The following FTCD variants were observed in gnomAD, a reference collection of about 807,000 sequenced individuals.
The protein encoded by FTCD is formimidoyltransferase-cyclodeaminase.
A neutral mutation model predicts 62.9 loss-of-function variants in FTCD; 76 were observed. The ratio of observed to expected loss-of-function variants is 1.21; its 90% CI spans 1.00 to 1.46. FTCD has a LOEUF of 1.46. Among genes scored for constraint, FTCD ranks in the 40% most tolerant of loss-of-function variants. FTCD has a pLI of 0.00. For synonymous variants in FTCD, 397 were observed against 336.9 expected, an observed-to-expected ratio of 1.18 and a Z score of -1.95; for missense variants, 845 against 751.3, an observed-to-expected ratio of 1.12 and a Z score of -1.46.
chr21:46,155,097 G>A (rs923030041), intron 1 of FTCD, among the ~76,000 whole-genome samples: 5 of 152,228 alleles, frequency 3.3e-5, no homozygotes, highest in African/African-American at 1.2e-4. Flanking sequence ...TGGGGACCAT[G>A]CTGGGCCACC....
In FTCD at chr21:46,137,140, C is replaced by G. The variant is rs544192147; in HGVS notation, c.1540-67G>C. ...TCAGCCCAGCTTGCTGGGCAGCAAC[C>G]TCCGACCCCCACTGCCCACAGCCAG... On this transcript the variant is annotated intron_variant, in intron 13 of 13. Transcript: ENST00000397746. 308 of 1,602,964 alleles carry G rather than the reference C, an allele frequency of 1.9e-4. 3 individuals carry two copies. The South Asian group carries it at 3.0e-3, about 15-fold the overall frequency.
intron 11 of FTCD, 105 bp downstream of exon 11, chr21:46,138,775 C>T (rs751309072): frequency 6.0e-5 from 86 of 1,433,074 alleles, no homozygotes; most frequent in Admixed American, 4.0e-4. Context: ...ACACCCAGCA[C>T]GCCCAGGCCA....
Position 46,137,078 on chromosome 21 carries a change from T to C in FTCD, c.1540-5A>G, listed in dbSNP as rs1387022192. ...GCTGGAAACACGATGGTGGATCTGA[T>C]GGACACAGGGAAAGAGGGGTCTGGT... On this transcript the variant is annotated splice_polypyrimidine_tract_variant and splice_region_variant and intron_variant, in intron 13 of 13. Transcript: ENST00000397746. The C allele has an allele frequency of 9.9e-6, 16 of 1,613,664 alleles. No individual in the cohort carries two copies. The highest frequency in any genetic ancestry group is 5.3e-5 in the African/African-American group (4 of 74,926).
intron 2 of FTCD, among the ~76,000 whole-genome samples, chr21:46,153,894 C>G (rs1281887882): frequency 6.6e-6 from 1 of 152,180 alleles, no homozygotes. Context: ...CCCCTCCCCC[C>G]ACCCAGCCGT....
chr21:46,136,345 G>C, downstream of FTCD: 1 of 1,228,360 alleles, frequency 8.1e-7, no homozygotes, highest in Non-Finnish European at 1.2e-6. Flanking sequence ...GGGAGGAAAA[G>C]TCTCCCAGGA....
intron 7 of FTCD, chr21:46,147,067 G>C (rs1279624572): frequency 6.6e-6 from 1 of 152,338 alleles, no homozygotes; most frequent in East Asian, 1.9e-4. Context: ...CCAGAAAGAC[G>C]AGTCCGGAAA....
At chr21:46,143,489 C>G (rs2079063795) in intron 10 of FTCD, among the ~76,000 whole-genome samples, 6 of 152,056 alleles carry the variant, frequency 3.9e-5, no homozygotes, top group Admixed American at 3.9e-4. Context: ...AGATATAGAT[C>G]ATAGATATGA....
chr21:46,138,082 G>A (rs901477749), intron 12 of FTCD, among the ~76,000 whole-genome samples: 2 of 152,128 alleles, frequency 1.3e-5, no homozygotes, highest in Non-Finnish European at 2.9e-5. Context: ...GTACAGCCAG[G>A]GTCCCACTAT....
chr21:46,150,204 G>A lies in FTCD; in HGVS notation c.821C>T (p.Pro274Leu). Residue 274 changes from proline to leucine, a missense_variant, in exon 7 of 14, where the codon CCC (proline) becomes CTC (leucine). Physicochemically the swap from Pro to Leu is moderately conservative, Grantham distance 98 (BLOSUM62 -3). Coordinates refer to ENST00000397746, the MANE Select transcript of FTCD (RefSeq NM_206965.2). ...GGCCGCATCCAGCAGAGCCTTCAGG[G>A]GCACCAGGCCCACCAGCTGTGAGCC... The part of the protein sequence containing the change: ...VVGSQLVGLV[P>L]LKALLDAAAF... 1 of 1,609,696 alleles carries A rather than the reference G, an allele frequency of 6.2e-7. No individual in the cohort carries two copies.
chr21:46,136,754 CA>C, downstream of FTCD: 1 of 1,491,564 alleles, frequency 6.7e-7, no homozygotes, highest in Non-Finnish European at 8.9e-7. Flanking sequence ...GCCCTGCCCC[CA>C]AAACCGCCAA....
Position 46,145,560 on chromosome 21 carries a change from T to C in FTCD, c.1117A>G (p.Met373Val), listed in dbSNP as rs2079120986. ...AAAMGAALGS[M>V]VGLMTYGRRQ... is the part of the protein sequence containing the mutation. Reference sequence around the variant, plus strand: ...CGCCCGTAGGTCATGAGGCCCACCATGGAGCCCAGCGCCGCACCCTGCGAG... The same window carrying C: ...CGCCCGTAGGTCATGAGGCCCACCACGGAGCCCAGCGCCGCACCCTGCGAG... Residue 373 changes from methionine (M) to valine (V), a missense_variant, in exon 10 of 14, where the codon ATG becomes GTG. Physicochemically the swap from Met to Val is conservative, Grantham distance 21 (BLOSUM62 1). Coordinates refer to ENST00000397746, the MANE Select transcript of FTCD (RefSeq NM_206965.2). 2 of 1,544,094 alleles carry C rather than the reference T, an allele frequency of 1.3e-6. No homozygotes were observed. Among genetic ancestry groups the C allele is most frequent in the Admixed American group, 2.0e-5 (1 of 50,864 alleles).
Position 46,137,244 on chromosome 21 carries a change from C to T in FTCD, c.1534G>A (p.Asp512Asn), listed in dbSNP as rs371423778. 1.2e-6 allele frequency: 2 copies of T among 1,611,384 alleles called. No individual in the cohort carries two copies. The highest frequency in any genetic ancestry group is 1.1e-5 in the South Asian group (1 of 91,036). The change falls in exon 13 of 14, where the codon GAC becomes AAC. Residue 512 changes from aspartate (D) to asparagine (N), a missense_variant. Transcript: ENST00000397746. ...LRDITDEAFK[D>N]QIHHRVSSLL... ...CACACCTGCCTCCTGCTCACCTGGT[C>T]CTTAAATGCCTCGTCTGTGATGTCC...
At chr21:46,152,297 C>T (rs571955372) in intron 3 of FTCD, 78 of 349,920 alleles carry the variant, frequency 2.2e-4, no homozygotes, top group South Asian at 1.9e-3. Flanking sequence ...TAAACAGAAC[C>T]GCAAGCAACC....
intron 3 of FTCD, chr21:46,152,444 C>T (rs146457763): frequency 2.7e-4 from 54 of 198,600 alleles, no homozygotes; most frequent in South Asian, 8.3e-4. Context: ...CCCTGCATGC[C>T]GGCGTGACCG....
At position 46,146,342 on chromosome 21, in the gene FTCD, T is replaced by G; in HGVS notation, c.907-15A>C. 1 of 1,585,444 alleles carries G rather than the reference T, an allele frequency of 6.3e-7. No individual in the cohort carries two copies. Among genetic ancestry groups the G allele is most frequent in the Non-Finnish European group, 8.6e-7 (1 of 1,162,356 alleles). On this transcript the variant is annotated splice_polypyrimidine_tract_variant and intron_variant, in intron 7 of 13. Transcript: ENST00000397746. ...CGGCTCACCACCTGGAAAAGGGGCT[T>G]GGAGTGGAAACGGCCTCGGCGCGTC...
At chr21:46,151,459 G>T in intron 5 of FTCD, 99 bp downstream of exon 5, 1 of 954,252 alleles carries the variant, frequency 1.0e-6, no homozygotes, top group South Asian at 1.4e-5. Context: ...TGTCCGGCCG[G>T]TGCCCCATCC....
chr21:46,152,252 G>A (rs747279234), intron 3 of FTCD: 14 of 442,620 alleles, frequency 3.2e-5, no homozygotes, highest in South Asian at 1.2e-4. Context: ...ACATGCTAAC[G>A]GCAGGACGTT....
chr21:46,143,854 T>C (rs544746107), intron 10 of FTCD, among the ~76,000 whole-genome samples: 9 of 152,282 alleles, frequency 5.9e-5, no homozygotes, highest in Admixed American at 3.9e-4. Flanking sequence ...CCACCACCTC[T>C]TGTAAAGGGC....
chr21:46,138,579 C>T lies in FTCD; in HGVS notation c.1372G>A (p.Val458Met). Residue 458 changes from valine (V) to methionine (M), a missense_variant, in exon 12 of 14, where the codon GTG (valine) becomes ATG (methionine). Coordinates refer to ENST00000397746, the MANE Select transcript of FTCD (RefSeq NM_206965.2). The stretch of plus-strand genomic sequence containing the variant: ...TGCAGGGCCGGCCACAGCGAGGCCA[C>T]CGTCTCCGCCAGCGTCAGCGGCACA... ...VSVPLTLAET[V>M]ASLWPALQEL... 1 of 1,588,620 alleles carries T rather than the reference C, an allele frequency of 6.3e-7. No individual in the cohort carries two copies. Among genetic ancestry groups the T allele is most frequent in the Non-Finnish European group, 8.5e-7 (1 of 1,174,574 alleles).
Sources: gnomAD v4.1 joint callset for allele counts (sites outside exome capture counted in the v4.1 genomes callset) on GRCh38, gnomAD v4.1.1 for gene constraint, MANE v1.5 for transcripts, NCBI Gene and HGNC (gene_info 2026-07-23, HGNC 2026-07-21) for gene names.